Variants in TFEC observed in about 807,000 individuals in gnomAD.
TFEC encodes transcription factor EC, also known as class E basic helix-loop-helix protein 34.
Under a neutral mutation model 41.6 loss-of-function variants are expected in TFEC, and 31 were observed. The observed-to-expected ratio is 0.74, with a 90% confidence interval of 0.56 to 1.01. The LOEUF is 1.01. Ranked by LOEUF, TFEC falls within the 50% of genes least tolerant of loss-of-function variation. TFEC has a pLI of 0.00. For missense variants in TFEC, 402 were observed against 404.1 expected (o/e 0.99, Z 0.04); for synonymous variants, 143 against 140.6 (o/e 1.02, Z -0.12).
At chr7:116,015,489 G>C (rs1394726171) in intron 1 of TFEC, among the ~76,000 whole-genome samples, 1 of 152,134 alleles carries the variant, frequency 6.6e-6, no homozygotes, top group Non-Finnish European at 1.5e-5. Flanking sequence ...TGTTCTTACA[G>C]CCCCGATGAC....
chr7:115,984,317 T>C lies in TFEC; in HGVS notation c.125A>G (p.Asn42Ser), dbSNP rs1178924774. 6 of 1,614,102 alleles carry C rather than the reference T, an allele frequency of 3.7e-6. No homozygotes were observed. The South Asian group carries it at 4.4e-5, about 12-fold the overall frequency. Reference protein sequence around the residue: ...TLDSDAGLTENPLTKLLAIGK... With the variant: ...TLDSDAGLTESPLTKLLAIGK... ...AATAGCTAGTAACTTGGTGAGTGGG[T>C]TTTCTGTGAGGCCAGCATCACTGTC... The change falls in exon 2 of 8, where the codon AAC (asparagine) becomes AGC (serine). Residue 42 changes from asparagine to serine, a missense_variant. Physicochemically the swap from Asn to Ser is conservative, Grantham distance 46. Transcript: ENST00000265440.
In TFEC at chr7:115,939,497, A is replaced by G. The variant is rs913825095; in HGVS notation, c.*1054T>C. 6 of 152,090 alleles carry G rather than the reference A, an allele frequency of 3.9e-5. No homozygotes were observed. Among genetic ancestry groups the G allele is most frequent in the Non-Finnish European group, 8.8e-5 (6 of 67,984 alleles). The allele number at this position is 152,090 out of a possible 1,614,324, so 9.4% of individuals were successfully genotyped here. A position where few individuals can be genotyped will look rare whatever the true frequency, so the allele number is the denominator to read the frequency against. ...AAAATAATAAGAAATAGTTTGTTGT[A>G]ATAATTATTTTGTCAATTGGCAATT... On this transcript the variant is annotated 3_prime_UTR_variant, in exon 8 of 8. Transcript: ENST00000265440.
At chr7:115,986,198 A>G (rs1011655275) in intron 1 of TFEC, among the ~76,000 whole-genome samples, 3 of 152,194 alleles carry the variant, frequency 2.0e-5, no homozygotes, top group Admixed American at 1.3e-4. Context: ...TATCAACTAT[A>G]GCAACAACAA....
At chr7:116,049,183 A>G (rs141856750) in intron 3 of TFEC, among the ~76,000 whole-genome samples, 3,656 of 152,252 alleles carry the variant, frequency 0.024, 147 homozygotes, top group African/African-American at 0.081. Context: ...GACACAGACT[A>G]GCAAATTGGA....
At chr7:116,105,268 T>C (rs191325579) in intron 3 of TFEC, among the ~76,000 whole-genome samples, 57 of 152,294 alleles carry the variant, frequency 3.7e-4, no homozygotes, top group Admixed American at 5.9e-4. Context: ...CTAGTACATA[T>C]GCAGTAGAGA....
At chr7:116,075,473 G>A (rs539774672) in intron 3 of TFEC, among the ~76,000 whole-genome samples, 1 of 152,246 alleles carries the variant, frequency 6.6e-6, no homozygotes, top group East Asian at 1.9e-4. Flanking sequence ...GAGGCTCGTG[G>A]TCTGGGGCAA....
chr7:115,984,179 T>C lies in TFEC; in HGVS notation c.180+83A>G, dbSNP rs555071350. The C allele has an allele frequency of 1.5e-5, 22 of 1,506,258 alleles. No homozygotes were observed. In the Admixed American group the frequency reaches 4.0e-4, roughly 27 times the overall value. The allele number at this position is 1,506,258 out of a possible 1,614,324, so 93.3% of individuals were successfully genotyped here. A position where few individuals can be genotyped will look rare whatever the true frequency, so the allele number is the denominator to read the frequency against. On this transcript the variant is annotated intron_variant, in intron 2 of 7. Coordinates refer to ENST00000265440, the MANE Select transcript of TFEC (RefSeq NM_012252.4). ...TTACATTTGCAATCAGAATGTTTAC[T>C]GTAAAATGTTGACTTCAATTACTTT...
intron 3 of TFEC, chr7:116,110,607 T>C (rs981422001): frequency 5.7e-6 from 5 of 884,008 alleles, no homozygotes; most frequent in African/African-American, 1.7e-5. Context: ...TTCTTGTTTT[T>C]TTCCTTCAAT....
chr7:116,081,680 G>C (rs942687416), intron 3 of TFEC, among the ~76,000 whole-genome samples: 1 of 151,982 alleles, frequency 6.6e-6, no homozygotes, highest in African/African-American at 2.4e-5. Flanking sequence ...TCAGAATTAA[G>C]CCCAAATTCT....
Position 115,969,867 on chromosome 7 carries a change from G to T in TFEC, c.267+4303C>A, listed in dbSNP as rs530820081. Among the ~76,000 whole-genome samples, 79 of 152,022 alleles carry T rather than the reference G, an allele frequency of 5.2e-4. No individual in the cohort carries two copies. In the South Asian group the frequency reaches 5.8e-3, roughly 11 times the overall value. On this transcript the variant is annotated intron_variant, in intron 3 of 7. Coordinates refer to ENST00000265440, the MANE Select transcript of TFEC (RefSeq NM_012252.4). ...TGGATGTAGATTACAAAAACATATT[G>T]ATAGATGTGAGTATGGGAGTAAGAG...
intron 1 of TFEC, among the ~76,000 whole-genome samples, chr7:116,008,915 C>T (rs1394049238): frequency 6.6e-6 from 1 of 152,144 alleles, no homozygotes; most frequent in East Asian, 1.9e-4. Context: ...TAACATATTC[C>T]TTCAGTCCCA....
At chr7:115,957,574 A>C (rs1792301517) in intron 3 of TFEC, among the ~76,000 whole-genome samples, 1 of 151,920 alleles carries the variant, frequency 6.6e-6, no homozygotes, top group Admixed American at 6.6e-5. Context: ...ATAACATTTA[A>C]GTAATATTCA....
intron 3 of TFEC, among the ~76,000 whole-genome samples, chr7:115,966,002 T>C (rs1792829073): frequency 6.6e-6 from 1 of 151,700 alleles, no homozygotes; most frequent in Non-Finnish European, 1.5e-5. Flanking sequence ...TCCCCGCCAC[T>C]AGTATTTCTT....
chr7:115,989,484 C>G (rs142751059), intron 1 of TFEC, among the ~76,000 whole-genome samples: 4,356 of 152,270 alleles, frequency 0.029, 198 homozygotes, highest in African/African-American at 0.097. Context: ...TCGGGGAATT[C>G]TCTTTCCTAG....
intron 2 of TFEC, among the ~76,000 whole-genome samples, chr7:115,982,006 A>G (rs1287779780): frequency 6.6e-6 from 1 of 152,166 alleles, no homozygotes; most frequent in Non-Finnish European, 1.5e-5. Flanking sequence ...TGTATCTCAG[A>G]AAGACCCATG....
intron 3 of TFEC, among the ~76,000 whole-genome samples, chr7:116,093,681 A>G (rs915331328): frequency 3.3e-5 from 5 of 152,152 alleles, no homozygotes; most frequent in African/African-American, 1.2e-4. Context: ...TTTTTTATAG[A>G]CAAATCCCTG....
intron 1 of TFEC, among the ~76,000 whole-genome samples, chr7:115,994,582 T>G (rs1005923426): frequency 2.0e-5 from 3 of 152,102 alleles, no homozygotes; most frequent in Non-Finnish European, 2.9e-5. Context: ...AAGACATTTA[T>G]GCAGCCAACA....
intron 1 of TFEC, chr7:116,112,081 T>G: frequency 1.1e-6 from 1 of 906,360 alleles, no homozygotes; most frequent in African/African-American, 1.8e-5. Context: ...TTTTTAACTT[T>G]AATAATACTG....
intron 3 of TFEC, among the ~76,000 whole-genome samples, chr7:116,081,823 C>T (rs1797097205): frequency 6.6e-6 from 1 of 152,082 alleles, no homozygotes. Flanking sequence ...TTTTCGAACA[C>T]TGTATGCTCT....
Sources: allele counts gnomAD v4.1 joint callset (sites outside exome capture counted in the v4.1 genomes callset), GRCh38; gene constraint gnomAD v4.1.1; transcripts MANE v1.5; gene names NCBI Gene and HGNC (gene_info 2026-07-23, HGNC 2026-07-21).